EFCAB13: variants seen among roughly 807,000 people sequenced by gnomAD.
EFCAB13 encodes EF-hand calcium-binding domain-containing protein 13.
EFCAB13 carries 91 observed loss-of-function variants against 110.2 expected under a neutral mutation model. That is an observed-to-expected ratio of 0.83 (90% CI 0.70 to 0.98). EFCAB13 has a LOEUF of 0.98. Among genes scored for constraint, EFCAB13 ranks in the 50% least tolerant of loss-of-function variants. The pLI is 0.00. For missense variants in EFCAB13, 968 were observed against 1,119.4 expected (o/e 0.86, Z 1.93); for synonymous variants, 323 against 369.9 (o/e 0.87, Z 1.45).
chr17:47,383,359 T>C (rs2065657437), intron 14 of EFCAB13, among the ~76,000 whole-genome samples: 2 of 152,204 alleles, frequency 1.3e-5, no homozygotes. Context: ...CTAGTTCTTT[T>C]AATTGTGATG....
chr17:47,361,333 A>G (rs774178542), intron 9 of EFCAB13, 45 bp from the exon 10 acceptor site: 2 of 1,591,394 alleles, frequency 1.3e-6, no homozygotes, highest in African/African-American at 1.3e-5. Flanking sequence ...TGCTTTTCCA[A>G]GAAAAGCTGT....
At chr17:47,371,645 G>A (rs113889345) in intron 11 of EFCAB13, among the ~76,000 whole-genome samples, 11 of 151,874 alleles carry the variant, frequency 7.2e-5, no homozygotes, top group African/African-American at 2.7e-4. Context: ...ACAGAGTCAC[G>A]CTCTGTCACC....
intron 15 of EFCAB13, among the ~76,000 whole-genome samples, chr17:47,392,752 C>T (rs1030560722): frequency 6.6e-6 from 1 of 151,964 alleles, no homozygotes; most frequent in African/African-American, 2.4e-5. Flanking sequence ...GGTGTGAGAA[C>T]TAAGGTTTAG....
At chr17:47,440,033 A>G (rs541307188) in intron 24 of EFCAB13, among the ~76,000 whole-genome samples, 1 of 151,472 alleles carries the variant, frequency 6.6e-6, no homozygotes, top group East Asian at 1.9e-4. Flanking sequence ...TCCCTCCCTC[A>G]CCTCCTCAGT....
intron 23 of EFCAB13, among the ~76,000 whole-genome samples, chr17:47,420,591 G>A (rs1253229483): frequency 3.3e-5 from 5 of 151,502 alleles, no homozygotes; most frequent in Admixed American, 3.3e-4. Context: ...GAGCGCCTCT[G>A]CCCCGCCGCC....
chr17:47,353,368 C>T (rs919896641), intron 9 of EFCAB13, among the ~76,000 whole-genome samples: 1 of 151,752 alleles, frequency 6.6e-6, no homozygotes, highest in African/African-American at 2.4e-5. Flanking sequence ...AATCTTGGCT[C>T]ACTGCAACCT....
chr17:47,432,999 A>G (rs1402351715), intron 24 of EFCAB13, among the ~76,000 whole-genome samples: 1 of 152,188 alleles, frequency 6.6e-6, no homozygotes, highest in East Asian at 1.9e-4. Flanking sequence ...ACTACAGAAT[A>G]TATTTGGATT....
intron 5 of EFCAB13, among the ~76,000 whole-genome samples, chr17:47,338,703 T>C (rs1308574699): frequency 6.6e-6 from 1 of 152,114 alleles, no homozygotes; most frequent in African/African-American, 2.4e-5. Context: ...CTTTTGACTG[T>C]GGGTCATAGG....
Position 47,379,212 on chromosome 17 carries a change from T to C in EFCAB13, c.1541T>C (p.Val514Ala). Residue 514 changes from valine (V) to alanine (A), a missense_variant, in exon 14 of 25, where the codon GTA becomes GCA. Coordinates refer to ENST00000331493, the MANE Select transcript of EFCAB13 (RefSeq NM_152347.5). ...GGAATGGTGGAGTTAGATGACTTTG[T>C]AAATGCTCTCGCCAAGGAGCGAAGT... ...ENGMVELDDF[V>A]NALAKERSFP... 6.2e-7 allele frequency: 1 copy of C among 1,613,614 alleles called. No homozygotes were observed. Among genetic ancestry groups the C allele is most frequent in the Non-Finnish European group, 8.5e-7 (1 of 1,179,656 alleles).
intron 23 of EFCAB13, among the ~76,000 whole-genome samples, chr17:47,416,959 A>G (rs1904472594): frequency 2.0e-5 from 3 of 152,208 alleles, no homozygotes; most frequent in South Asian, 2.1e-4. Flanking sequence ...GAGTGGCTAC[A>G]CTGTCAAAAA....
rs1905116108 is a variant in EFCAB13 at position 47,431,529 on chromosome 17, T to C, written c.2638+1568T>C. 6.6e-6 allele frequency among the ~76,000 whole-genome samples: 1 copy of C among 152,092 alleles called. No homozygotes were observed. Among genetic ancestry groups the C allele is most frequent in the South Asian group, 2.1e-4 (1 of 4,834 alleles). ...TCTGATTTCTGTTGTCATTTTTTCT[T>C]CAACTCATGGTTTTAGAGGTATGTT... On this transcript the variant is annotated intron_variant, in intron 24 of 24. Coordinates refer to ENST00000331493, the MANE Select transcript of EFCAB13 (RefSeq NM_152347.5). The surrounding 1 kb of genome is among the most constrained non-coding windows in gnomAD (Gnocchi z 4.1).
chr17:47,389,576 A>G (rs1311990415), intron 14 of EFCAB13, among the ~76,000 whole-genome samples: 1 of 144,662 alleles, frequency 6.9e-6, no homozygotes, highest in Non-Finnish European at 1.5e-5. Context: ...CCCTCATTTC[A>G]TCTTTTTTTT....
At chr17:47,388,773 A>G (rs1853925875) in intron 14 of EFCAB13, among the ~76,000 whole-genome samples, 1 of 152,156 alleles carries the variant, frequency 6.6e-6, no homozygotes, top group South Asian at 2.1e-4. Flanking sequence ...GGAGATTCCT[A>G]AGAGAAGAAT....
intron 9 of EFCAB13, among the ~76,000 whole-genome samples, chr17:47,349,887 G>T (rs1057123036): frequency 1.3e-5 from 2 of 148,170 alleles, no homozygotes; most frequent in Non-Finnish European, 3.0e-5. Flanking sequence ...CCATTCTCCT[G>T]CCTCAGCCTC....
chr17:47,351,602 G>A (rs2065453693), intron 9 of EFCAB13, among the ~76,000 whole-genome samples: 1 of 152,012 alleles, frequency 6.6e-6, no homozygotes, highest in African/African-American at 2.4e-5. Flanking sequence ...GTCTATTCAT[G>A]TCATTTGCCC....
intron 9 of EFCAB13, among the ~76,000 whole-genome samples, chr17:47,360,623 A>G (rs547180361): frequency 1.1e-3 from 166 of 152,248 alleles, no homozygotes; most frequent in Non-Finnish European, 1.9e-3. Flanking sequence ...GAAGCTCTTT[A>G]GTTTAATTAG....
At chr17:47,364,826 G>A (rs2065537205) in intron 10 of EFCAB13, among the ~76,000 whole-genome samples, 1 of 152,204 alleles carries the variant, frequency 6.6e-6, no homozygotes, top group African/African-American at 2.4e-5. Flanking sequence ...GGCCTTGTGG[G>A]TTCTGGCTTT....
intron 10 of EFCAB13, among the ~76,000 whole-genome samples, chr17:47,362,568 C>G (rs1389104908): frequency 6.6e-6 from 1 of 152,084 alleles, no homozygotes; most frequent in Non-Finnish European, 1.5e-5. Flanking sequence ...TGACGGAGGG[C>G]CTGACTGATG....
intron 9 of EFCAB13, among the ~76,000 whole-genome samples, chr17:47,351,320 C>CGT (rs2065451760): frequency 7.4e-5 from 3 of 40,414 alleles, no homozygotes; most frequent in Admixed American, 1.7e-4. Flanking sequence ...CGCGCGCGCG[C>CGT]GCGCGCGCCA....
Sources: allele counts gnomAD v4.1 joint callset (sites outside exome capture counted in the v4.1 genomes callset), GRCh38; gene constraint gnomAD v4.1.1; non-coding constraint Gnocchi (gnomAD v3.1); transcripts MANE v1.5; gene names NCBI Gene and HGNC (gene_info 2026-07-23, HGNC 2026-07-21).